KAZN: variants seen among roughly 807,000 people sequenced by gnomAD.
KAZN encodes kazrin, periplakin interacting protein.
In KAZN, 40 loss-of-function variants were observed where a neutral mutation model predicts 87.4. That is an observed-to-expected ratio of 0.46 (90% CI 0.36 to 0.60). KAZN has a LOEUF of 0.60. Among genes scored for constraint, KAZN ranks in the 20% least tolerant of loss-of-function variants. The probability of loss-of-function intolerance (pLI) is 0.00; values close to 1 mark genes in which losing one functional copy is unlikely to be tolerated. For missense variants in KAZN, 898 were observed against 1,073.9 expected, an observed-to-expected ratio of 0.84 and a Z score of 2.29; for synonymous variants, 466 against 458.3, an observed-to-expected ratio of 1.02 and a Z score of -0.22.
intron 1 of KAZN, among the ~76,000 whole-genome samples, chr1:14,095,226 T>A (rs1466039828): frequency 6.6e-6 from 1 of 152,204 alleles, no homozygotes; most frequent in Non-Finnish European, 1.5e-5. Context: ...TGAGAACCAC[T>A]GGGAGAGCCA....
In KAZN at chr1:14,514,596, TA is replaced by T. The variant is rs1217471141; in HGVS notation, c.250-84386del. On this transcript the variant is annotated intron_variant, in intron 2 of 16. Coordinates refer to the KAZN transcript ENST00000636203. ...ATATTTTATATATTTTTTTATATTT[TA>T]TATATATATATATATATATATATAT... is the stretch of plus-strand genomic sequence containing the variant. 2.5e-3 allele frequency among the ~76,000 whole-genome samples: 96 copies of T among 38,198 alleles called. 1 individual carries two copies. The highest frequency in any genetic ancestry group is 0.019 in the East Asian group (13 of 682). 25.1% of individuals were successfully genotyped at this position (38,198 alleles called of 152,430 possible). A position where few individuals can be genotyped will look rare whatever the true frequency, so the allele number is the denominator to read the frequency against.
chr1:15,112,683 G>A (rs931300570), intron 14 of KAZN, 142 bp downstream of exon 14: 5 of 600,400 alleles, frequency 8.3e-6, no homozygotes, highest in South Asian at 2.1e-5. Context: ...CAGGACAGAT[G>A]CCCTGGATGT....
intron 2 of KAZN, among the ~76,000 whole-genome samples, chr1:14,528,548 C>A (rs544546418): frequency 6.6e-6 from 1 of 151,450 alleles, no homozygotes; most frequent in Non-Finnish European, 1.5e-5. Context: ...CTTTGGGAGG[C>A]CGAGGTGGGA....
intron 2 of KAZN, among the ~76,000 whole-genome samples, chr1:15,001,776 T>C (rs1215442800): frequency 1.3e-5 from 2 of 151,970 alleles, no homozygotes; most frequent in African/African-American, 4.8e-5. Context: ...TTCAGAAGGT[T>C]CGTGAGGATC....
intron 2 of KAZN, among the ~76,000 whole-genome samples, chr1:14,314,306 A>G (rs1189334633): frequency 6.6e-6 from 1 of 152,184 alleles, no homozygotes; most frequent in Non-Finnish European, 1.5e-5. Context: ...AACTTCTATG[A>G]TAACTGTCTA....
At chr1:14,505,655 T>G (rs1272904306) in intron 2 of KAZN, among the ~76,000 whole-genome samples, 1 of 152,126 alleles carries the variant, frequency 6.6e-6, no homozygotes, top group Non-Finnish European at 1.5e-5. Context: ...GATTGTTTCA[T>G]GCACAAGGAG....
At chr1:15,072,551 G>A (rs1397866105) in intron 8 of KAZN, among the ~76,000 whole-genome samples, 11 of 152,336 alleles carry the variant, frequency 7.2e-5, no homozygotes, top group African/African-American at 2.4e-4. Context: ...GCCTGGTCTG[G>A]AAGTCAGGGC....
rs747693781 is a variant in KAZN, at chr1:14,703,502, A to G, written c.226+104279A>G. On this transcript the variant is annotated intron_variant, in intron 1 of 14. Transcript: ENST00000376030. ...GGACATGTTTGCTTCCCCTTCTGCC[A>G]TGATTGTCAGTTTCCTGAGGCCTCC... Among the ~76,000 whole-genome samples the G allele has an allele frequency of 3.9e-5, 6 of 152,234 alleles. 1 individual carries two copies. The highest frequency in any genetic ancestry group is 3.3e-4 in the Admixed American group (5 of 15,284).
intron 2 of KAZN, among the ~76,000 whole-genome samples, chr1:14,562,909 C>G (rs1674340584): frequency 1.3e-5 from 2 of 152,328 alleles, no homozygotes; most frequent in African/African-American, 4.8e-5. Flanking sequence ...GCATAGCACT[C>G]TGGAGTGCGT....
intron 1 of KAZN, among the ~76,000 whole-genome samples, chr1:13,920,230 C>T (rs1010720684): frequency 5.3e-5 from 7 of 131,072 alleles, no homozygotes; most frequent in Admixed American, 2.6e-4. Flanking sequence ...AGTGACACAG[C>T]GAGACCCTGT....
intron 2 of KAZN, among the ~76,000 whole-genome samples, chr1:14,569,206 T>C (rs913351597): frequency 6.6e-6 from 1 of 152,166 alleles, no homozygotes; most frequent in Admixed American, 6.5e-5. Context: ...TTAGAAAATG[T>C]GTTGGATATT....
chr1:14,127,766 C>T (rs1403903388), intron 1 of KAZN, among the ~76,000 whole-genome samples: 1 of 152,112 alleles, frequency 6.6e-6, no homozygotes, highest in Non-Finnish European at 1.5e-5. Context: ...TATATGAAGC[C>T]CACACTGTGT....
chr1:14,273,180 T>G (rs998170333), intron 2 of KAZN, among the ~76,000 whole-genome samples: 1 of 152,096 alleles, frequency 6.6e-6, no homozygotes, highest in Non-Finnish European at 1.5e-5. Context: ...CTTATTTGTG[T>G]TGTTGTTGGA....
chr1:14,374,390 T>G (rs1404563978), intron 2 of KAZN, among the ~76,000 whole-genome samples: 1 of 152,196 alleles, frequency 6.6e-6, no homozygotes, highest in East Asian at 1.9e-4. Flanking sequence ...GTACCATCCC[T>G]GTGGGAGAAG....
chr1:14,327,887 G>A (rs142644813), intron 2 of KAZN, among the ~76,000 whole-genome samples: 1 of 152,256 alleles, frequency 6.6e-6, no homozygotes, highest in East Asian at 1.9e-4. Flanking sequence ...CTTAAAGAAG[G>A]GGAAATTAAA....
chr1:15,095,072 G>A (rs1640746199), intron 10 of KAZN, 139 bp downstream of exon 10: 4 of 646,296 alleles, frequency 6.2e-6, no homozygotes, highest in South Asian at 3.6e-5. Context: ...GATGGTCCGG[G>A]GATGCCCCTG....
chr1:14,590,155 A>C (rs1441148856), intron 2 of KAZN, among the ~76,000 whole-genome samples: 1 of 152,164 alleles, frequency 6.6e-6, no homozygotes. Flanking sequence ...GATCACAGGA[A>C]TAATAACACT....
intron 1 of KAZN, among the ~76,000 whole-genome samples, chr1:14,147,244 A>G (rs1645372801): frequency 6.6e-6 from 1 of 152,202 alleles, no homozygotes; most frequent in Non-Finnish European, 1.5e-5. Context: ...ATTCGAAACA[A>G]TTCAGATTTT....
intron 1 of KAZN, among the ~76,000 whole-genome samples, chr1:14,822,250 C>T (rs1054966450): frequency 6.6e-6 from 1 of 152,182 alleles, no homozygotes; most frequent in Non-Finnish European, 1.5e-5. Flanking sequence ...CAGGAGGCAC[C>T]TGGGAGAACA....
Sources: allele counts gnomAD v4.1 joint callset (sites outside exome capture counted in the v4.1 genomes callset), GRCh38; gene constraint gnomAD v4.1.1; transcripts MANE v1.5; gene names NCBI Gene and HGNC (gene_info 2026-07-23, HGNC 2026-07-21).